Variants in FRMD4B observed in about 807,000 individuals in gnomAD.
FRMD4B encodes FERM domain-containing protein 4B.
Under a neutral mutation model 141.5 loss-of-function variants are expected in FRMD4B, and 74 were observed. The ratio of observed to expected loss-of-function variants is 0.52; its 90% CI spans 0.43 to 0.63. The LOEUF (loss-of-function observed/expected upper bound fraction) is 0.63. Among genes scored for constraint, FRMD4B ranks in the 30% least tolerant of loss-of-function variants. The pLI is 0.00. For synonymous variants in FRMD4B, 506 were observed against 467.9 expected (o/e 1.08, Z -1.05); for missense variants, 1,366 against 1,253.4 (o/e 1.09, Z -1.36).
chr3:69,476,020 T>C (rs1297071506), intron 1 of FRMD4B, among the ~76,000 whole-genome samples: 2 of 151,594 alleles, frequency 1.3e-5, no homozygotes, highest in Non-Finnish European at 2.9e-5. Context: ...GAGAACTGTC[T>C]GTTCATGTCC....
chr3:69,281,838 A>AAAAT (rs1553715921), intron 5 of FRMD4B, among the ~76,000 whole-genome samples: 27 of 128,226 alleles, frequency 2.1e-4, no homozygotes, highest in Admixed American at 4.9e-4. Flanking sequence ...AAAAAAAAAA[A>AAAAT]ATATATATAT....
At chr3:69,253,835 C>A (rs2093477552) in intron 5 of FRMD4B, among the ~76,000 whole-genome samples, 1 of 152,176 alleles carries the variant, frequency 6.6e-6, no homozygotes, top group African/African-American at 2.4e-5. Flanking sequence ...CACCCATAAT[C>A]CCAGCACTTT....
At chr3:69,384,384 C>T (rs990108635) in intron 1 of FRMD4B, among the ~76,000 whole-genome samples, 1 of 152,200 alleles carries the variant, frequency 6.6e-6, no homozygotes, top group South Asian at 2.1e-4. Flanking sequence ...ACAATATTTG[C>T]GTTCCCTTTT....
chr3:69,495,084 G>T (rs1025207438), intron 1 of FRMD4B, among the ~76,000 whole-genome samples: 20 of 152,152 alleles, frequency 1.3e-4, no homozygotes, highest in South Asian at 8.3e-4. Context: ...GCAAGGTATA[G>T]ACTTGGTCGC....
At chr3:69,392,501 G>A (rs1330600684) in intron 2 of FRMD4B, among the ~76,000 whole-genome samples, 1 of 152,146 alleles carries the variant, frequency 6.6e-6, no homozygotes, top group Admixed American at 6.5e-5. Context: ...GGGCAAGGGG[G>A]ATGCTTGATG....
At chr3:69,477,529 C>G (rs1375721584) in intron 1 of FRMD4B, among the ~76,000 whole-genome samples, 1 of 151,588 alleles carries the variant, frequency 6.6e-6, no homozygotes, top group Non-Finnish European at 1.5e-5. Context: ...TATATTGAAC[C>G]AGCCTTGCAT....
chr3:69,362,841 T>C (rs1703510140), intron 1 of FRMD4B, among the ~76,000 whole-genome samples: 2 of 152,328 alleles, frequency 1.3e-5, no homozygotes, highest in East Asian at 3.9e-4. Flanking sequence ...ACTTAAACAT[T>C]TTCCTTATAT....
At chr3:69,255,074 C>G (rs1000357803) in intron 5 of FRMD4B, among the ~76,000 whole-genome samples, 7 of 152,166 alleles carry the variant, frequency 4.6e-5, no homozygotes, top group African/African-American at 1.7e-4. Context: ...AAGGACGTTA[C>G]TGGGACAACT....
intron 20 of FRMD4B, among the ~76,000 whole-genome samples, chr3:69,182,369 T>C (rs1443526863): frequency 6.6e-6 from 1 of 152,208 alleles, no homozygotes; most frequent in East Asian, 1.9e-4. Context: ...AATGGTAATA[T>C]GTGACTGGGG....
chr3:69,378,718 A>G (rs1289049535), intron 1 of FRMD4B, among the ~76,000 whole-genome samples: 1 of 152,036 alleles, frequency 6.6e-6, no homozygotes, highest in Non-Finnish European at 1.5e-5. Context: ...CCCCATAAAC[A>G]TCAAAATTCT....
chr3:69,363,530 C>T (rs949082628), intron 1 of FRMD4B, among the ~76,000 whole-genome samples: 7 of 152,040 alleles, frequency 4.6e-5, no homozygotes, highest in African/African-American at 1.7e-4. Context: ...GCTGGGACTA[C>T]AGGCGCCTGC....
At chr3:69,457,396 G>A (rs1705637189) in intron 1 of FRMD4B, among the ~76,000 whole-genome samples, 1 of 152,040 alleles carries the variant, frequency 6.6e-6, no homozygotes, top group African/African-American at 2.4e-5. Context: ...CTTTACTTTT[G>A]TAATAAGAAA....
At chr3:69,480,857 C>T (rs1706109350) in intron 1 of FRMD4B, among the ~76,000 whole-genome samples, 1 of 152,330 alleles carries the variant, frequency 6.6e-6, no homozygotes, top group Non-Finnish European at 1.5e-5. Context: ...CTGTGGTGGG[C>T]TCCACCCAGT....
intron 3 of FRMD4B, among the ~76,000 whole-genome samples, chr3:69,308,022 C>A (rs188387660): frequency 1.3e-3 from 198 of 152,274 alleles, no homozygotes; most frequent in African/African-American, 4.4e-3. Context: ...CTCATCTCCC[C>A]TCCCATCTAT....
At chr3:69,497,526 C>A (rs1407776070) in intron 1 of FRMD4B, among the ~76,000 whole-genome samples, 1 of 152,020 alleles carries the variant, frequency 6.6e-6, no homozygotes, top group African/African-American at 2.4e-5. Context: ...GGTTTAATGA[C>A]TGGTAAGTTA....
At chr3:69,397,929 A>G (rs988324414) in intron 2 of FRMD4B, among the ~76,000 whole-genome samples, 3 of 152,210 alleles carry the variant, frequency 2.0e-5, no homozygotes, top group Non-Finnish European at 2.9e-5. Flanking sequence ...CACAGAAAAC[A>G]TCTTAACTTG....
At chr3:69,199,472 C>G (rs1415545802) in intron 11 of FRMD4B, among the ~76,000 whole-genome samples, 1 of 152,230 alleles carries the variant, frequency 6.6e-6, no homozygotes, top group African/African-American at 2.4e-5. Flanking sequence ...ATTTCAATAA[C>G]ATCAGAGATT....
Position 69,171,960 on chromosome 3 carries a change from T to C in FRMD4B, c.3006A>G (p.Gln1002=). ...SPSRQYTEIS[Q]LDGTDGNQLE... ...GCTGGTTTCCATCTGTACCATCCAG[T>C]TGACTGATTTCTGTGTATTGTCTAT... The change falls in exon 23 of 23, where the codon CAA becomes CAG. Residue 1002 remains glutamine (Q), a synonymous_variant. Transcript: ENST00000398540. 1.9e-6 allele frequency: 3 copies of C among 1,613,102 alleles called. No homozygotes were observed. Among genetic ancestry groups the C allele is most frequent in the Non-Finnish European group, 1.7e-6 (2 of 1,179,098 alleles).
intron 1 of FRMD4B, among the ~76,000 whole-genome samples, chr3:69,359,643 T>C (rs1809486): frequency 0.99 from 151,395 of 152,272 alleles, 75,269 homozygotes; most frequent in Middle Eastern, 1. Flanking sequence ...AATTTTCTTG[T>C]TTTCTTAACC....
Sources: allele counts gnomAD v4.1 joint callset (sites outside exome capture counted in the v4.1 genomes callset), GRCh38; gene constraint gnomAD v4.1.1; transcripts MANE v1.5; gene names NCBI Gene and HGNC (gene_info 2026-07-23, HGNC 2026-07-21).